Variants in EEF2 observed in about 807,000 individuals in gnomAD.
The protein encoded by EEF2 is eukaryotic translation elongation factor 2.
EEF2 carries 21 observed loss-of-function variants against 85.3 expected under a neutral mutation model. The ratio of observed to expected loss-of-function variants is 0.25; its 90% CI spans 0.17 to 0.35. EEF2 has a LOEUF of 0.35. Ranked by LOEUF, EEF2 falls within the 10% of genes least tolerant of loss-of-function variation. The pLI is 1.00. For missense variants in EEF2, 825 were observed against 1,225.3 expected (o/e 0.67, Z 4.88); for synonymous variants, 723 against 508.8 (o/e 1.42, Z -5.67).
rs1377422013 is a variant in EEF2 at position 3,976,299 on chromosome 19, G to A, written c.*255C>T. ...GAAAAAGTGTTGGGTGTCCCATCCC[G>A]CCTCCCCCTCCCCGACCGGCCCATT... On this transcript the variant is annotated 3_prime_UTR_variant, in exon 15 of 15. Coordinates refer to ENST00000309311, the MANE Select transcript of EEF2 (RefSeq NM_001961.4). 35 of 220,778 alleles carry A rather than the reference G, an allele frequency of 1.6e-4. No homozygotes were observed. Among genetic ancestry groups the A allele is most frequent in the Admixed American group, 5.8e-5 (1 of 17,206 alleles). The allele number at this position is 220,778 out of a possible 1,614,324, so 13.7% of individuals were successfully genotyped here.
chr19:3,976,859 G>A (rs2039685436), intron 14 of EEF2, 112 bp from the exon 15 acceptor site: 7 of 1,247,712 alleles, frequency 5.6e-6, no homozygotes, highest in Middle Eastern at 2.5e-4. Context: ...CTGCAGACCA[G>A]ACACTCGGCC....
chr19:3,983,357 C>CCAGGG (rs1286815868), intron 2 of EEF2, 66 bp from the exon 3 acceptor site: 1 of 1,524,184 alleles, frequency 6.6e-7, no homozygotes, highest in African/African-American at 1.4e-5. Context: ...GTCTGGGATG[C>CCAGGG]TGTCAGAAGC....
rs762877907 is a variant in EEF2, at chr19:3,979,450, G to A, written c.1606-14C>T. 2.7e-5 allele frequency: 44 copies of A among 1,609,424 alleles called. No homozygotes were observed. Among genetic ancestry groups the A allele is most frequent in the East Asian group, 4.5e-5 (2 of 44,836 alleles). ...CTCGATGATGCACTGAAAGGGATGCGGGTCAGCACCAAAGGGGTAGGCGGC... is the reference window on the plus strand; with the variant it reads ...CTCGATGATGCACTGAAAGGGATGCAGGTCAGCACCAAAGGGGTAGGCGGC... On this transcript the variant is annotated splice_polypyrimidine_tract_variant and intron_variant, in intron 10 of 14. Coordinates refer to ENST00000309311, the MANE Select transcript of EEF2 (RefSeq NM_001961.4).
In EEF2 at chr19:3,980,084, C is replaced by T. The variant is rs747677145; in HGVS notation, c.1347-18G>A. ...AGATTGTTCTGGAAGAAGCAGAAGG[C>T]GGCAGCAGGCCGCAGGGATGGTTGT... On this transcript the variant is annotated intron_variant, in intron 9 of 14. Coordinates refer to ENST00000309311, the MANE Select transcript of EEF2 (RefSeq NM_001961.4). 11 of 1,606,830 alleles carry T rather than the reference C, an allele frequency of 6.8e-6. No individual in the cohort carries two copies. The highest frequency in any genetic ancestry group is 1.6e-4 in the Middle Eastern group (1 of 6,064).
rs1455229788 is a variant in EEF2, at chr19:3,979,951, A to T, written c.1462T>A (p.Phe488Ile). The change falls in exon 10 of 15, where the codon TTC becomes ATC. Residue 488 changes from phenylalanine (F) to isoleucine (I), a missense_variant. Phe to Ile is a conservative substitution (Grantham distance 21). Coordinates refer to ENST00000309311, the MANE Select transcript of EEF2 (RefSeq NM_001961.4). ...FLVKTGTITT[F>I]EHAHNMRVMK... The stretch of plus-strand genomic sequence containing the variant: ...ACCCGCATGTTGTGCGCGTGCTCGA[A>T]GGTGGTGATGGTGCCCGTCTTCACC... 1 of 1,613,938 alleles carries T rather than the reference A, an allele frequency of 6.2e-7. No individual in the cohort carries two copies. Among genetic ancestry groups the T allele is most frequent in the Admixed American group, 1.7e-5 (1 of 60,026 alleles).
At chr19:3,980,382 G>A in intron 9 of EEF2, 132 bp downstream of exon 9, 3 of 1,200,582 alleles carry the variant, frequency 2.5e-6, no homozygotes, top group Non-Finnish European at 3.4e-6. Context: ...CAAAAGTTGT[G>A]GCTGGCACAA....
chr19:3,978,449 G>C (rs2145357415), intron 11 of EEF2, among the ~76,000 whole-genome samples: 1 of 152,288 alleles, frequency 6.6e-6, no homozygotes, highest in Non-Finnish European at 1.5e-5. Context: ...GAGCAGGCCT[G>C]TCCCAACCCC....
At chr19:3,979,616 G>T (rs866594633) in intron 10 of EEF2, among the ~76,000 whole-genome samples, 180 bp from the exon 11 acceptor site, 30 of 152,250 alleles carry the variant, frequency 2.0e-4, no homozygotes. Flanking sequence ...CAGTGAACAC[G>T]CGCAGAGCAG....
chr19:3,984,401 C>G (rs1321458355), intron 1 of EEF2, 51 bp from the exon 2 acceptor site: 2 of 1,586,260 alleles, frequency 1.3e-6, no homozygotes, highest in Non-Finnish European at 1.7e-6. Flanking sequence ...AGGAACACAG[C>G]ATGGCACGGA....
rs1440724529 is a variant in EEF2 at position 3,976,296 on chromosome 19, C to T, written c.*258G>A. On this transcript the variant is annotated 3_prime_UTR_variant, in exon 15 of 15. Coordinates refer to ENST00000309311, the MANE Select transcript of EEF2 (RefSeq NM_001961.4). ...ATGGAAAAAGTGTTGGGTGTCCCAT[C>T]CCGCCTCCCCCTCCCCGACCGGCCC... The T allele has an allele frequency of 6.6e-5, 17 of 255,678 alleles. 2 individuals carry two copies. The highest frequency in any genetic ancestry group is 1.2e-4 in the Non-Finnish European group (16 of 129,396). The allele number at this position is 255,678 out of a possible 1,614,324, so 15.8% of individuals were successfully genotyped here.
chr19:3,983,375 C>T (rs2039779664), intron 2 of EEF2, 84 bp from the exon 3 acceptor site: 4 of 1,434,316 alleles, frequency 2.8e-6, no homozygotes, highest in South Asian at 1.3e-5. Flanking sequence ...AGCCAGGCTG[C>T]TCCTCCCTCC....
In EEF2 at chr19:3,977,746, G is replaced by T. The variant is rs937843137; in HGVS notation, c.2067+73C>A. 2.0e-6 allele frequency: 3 copies of T among 1,495,362 alleles called. No individual in the cohort carries two copies. In the South Asian group the frequency reaches 4.0e-5, roughly 20 times the overall value. The allele number at this position is 1,495,362 out of a possible 1,614,324, so 92.6% of individuals were successfully genotyped here. Reference sequence around the variant, plus strand: ...TTGGCCCCATTAGGGTCTCTGTCTCGGGAGGCAGGACCATGAGGTCCCTCT... The same window carrying T: ...TTGGCCCCATTAGGGTCTCTGTCTCTGGAGGCAGGACCATGAGGTCCCTCT... On this transcript the variant is annotated intron_variant, in intron 12 of 14. Coordinates refer to ENST00000309311, the MANE Select transcript of EEF2 (RefSeq NM_001961.4). This position sits in a 1 kb window ranked among gnomAD's most constrained non-coding sequence, Gnocchi z 5.4.
chr19:3,984,022 G>A (rs1329296929), intron 2 of EEF2, 114 bp downstream of exon 2: 16 of 1,124,538 alleles, frequency 1.4e-5, no homozygotes, highest in Non-Finnish European at 1.8e-5. Flanking sequence ...CATGAATTAA[G>A]AAACCAGGGG....
At chr19:3,979,686 C>T (rs1484654510) in intron 10 of EEF2, 122 bp downstream of exon 10, 1 of 1,436,464 alleles carries the variant, frequency 7.0e-7, no homozygotes, top group Non-Finnish European at 9.4e-7. Context: ...CAGCCAAGAA[C>T]CCCTCCTTTC....
In EEF2 at chr19:3,976,604, CCTTGCG is replaced by C; in HGVS notation, c.2521_2526del (p.Arg841_Lys842del). 6.2e-7 allele frequency: 1 copy of C among 1,610,774 alleles called. No homozygotes were observed. Among genetic ancestry groups the C allele is most frequent in the Non-Finnish European group, 8.5e-7 (1 of 1,178,774 alleles). On this transcript the variant is annotated inframe_deletion, in exon 15 of 15. Coordinates refer to ENST00000309311, the MANE Select transcript of EEF2 (RefSeq NM_001961.4). ...AGGGCAGGGATGCCTTCTTTCAGGCCCTTGCGCTTGCGGGTCTCCGCCACCACCTGG... is the reference window on the plus strand; with the variant it reads ...AGGGCAGGGATGCCTTCTTTCAGGCCCTTGCGGGTCTCCGCCACCACCTGG...
intron 2 of EEF2, chr19:3,983,843 G>A (rs1568202932): frequency 4.3e-6 from 2 of 468,646 alleles, no homozygotes; most frequent in East Asian, 4.0e-5. Flanking sequence ...TCCCCTCCCA[G>A]GTGTGACAGC....
At position 3,976,491 on chromosome 19, in the gene EEF2, C is replaced by T. The variant is rs902098033; in HGVS notation, c.*63G>A. ...AGTCTCCAGGTGTCGTCTGAGAATT[C>T]GAGGACGTGGTGCTGTGGGTGCTGC... On this transcript the variant is annotated 3_prime_UTR_variant, in exon 15 of 15. Transcript: ENST00000309311. 169 of 1,537,746 alleles carry T rather than the reference C, an allele frequency of 1.1e-4. No homozygotes were observed. The highest frequency in any genetic ancestry group is 1.3e-4 in the Non-Finnish European group (152 of 1,140,662).
At chr19:3,981,043 C>G in intron 7 of EEF2, 64 bp from the exon 8 acceptor site, 1 of 1,519,414 alleles carries the variant, frequency 6.6e-7, no homozygotes, top group Non-Finnish European at 8.8e-7. Flanking sequence ...ACCCCGTACA[C>G]GCTTCCTCTC....
chr19:3,976,782 G>C, intron 14 of EEF2, 35 bp from the exon 15 acceptor site: 1 of 1,498,538 alleles, frequency 6.7e-7, no homozygotes, highest in Non-Finnish European at 8.8e-7. Context: ...CTGGGCCATC[G>C]AGAAGGTGGC....
Sources: allele counts gnomAD v4.1 joint callset (sites outside exome capture counted in the v4.1 genomes callset), GRCh38; gene constraint gnomAD v4.1.1; non-coding constraint Gnocchi (gnomAD v3.1); transcripts MANE v1.5; gene names NCBI Gene and HGNC (gene_info 2026-07-23, HGNC 2026-07-21).